Variants in TMC1 observed in about 807,000 individuals in gnomAD.
TMC1 encodes transmembrane channel like 1.
TMC1 carries 84 observed loss-of-function variants against 105.8 expected under a neutral mutation model. The ratio of observed to expected loss-of-function variants is 0.79; its 90% CI spans 0.67 to 0.95. The LOEUF (loss-of-function observed/expected upper bound fraction) is 0.95, where lower values mean the gene tolerates loss of function less well. Ranked by LOEUF, TMC1 falls within the 40% of genes least tolerant of loss-of-function variation. The pLI is 0.00. For missense variants in TMC1, 817 were observed against 914.1 expected (o/e 0.89, Z 1.37); for synonymous variants, 315 against 311.5 (o/e 1.01, Z -0.12).
At chr9:72,794,521 C>G (rs973609595) in intron 17 of TMC1, among the ~76,000 whole-genome samples, 2 of 152,168 alleles carry the variant, frequency 1.3e-5, no homozygotes, top group Admixed American at 1.3e-4. Context: ...AAATATCTCA[C>G]TAACATACCC....
intron 4 of TMC1, among the ~76,000 whole-genome samples, chr9:72,640,590 T>C (rs1230232571): frequency 1.3e-5 from 2 of 152,122 alleles, no homozygotes; most frequent in African/African-American, 2.4e-5. Context: ...TTACCCTTTA[T>C]CTCAAAATGG....
intron 13 of TMC1, among the ~76,000 whole-genome samples, chr9:72,783,717 G>T (rs1485031990): frequency 6.6e-6 from 1 of 152,072 alleles, no homozygotes; most frequent in African/African-American, 2.4e-5. Context: ...ATAAGTTAGA[G>T]AATCTAGAAA....
chr9:72,611,856 A>G (rs1345545569), intron 2 of TMC1, among the ~76,000 whole-genome samples: 2 of 151,514 alleles, frequency 1.3e-5, no homozygotes, highest in African/African-American at 4.9e-5. Flanking sequence ...GTTAAACATC[A>G]CAGCACATGT....
At position 72,688,346 on chromosome 9, in the gene TMC1, C is replaced by T. The variant is rs890840190; in HGVS notation, c.17-363C>T. ...GGGCATGTGGATATAGCTTTATTAA[C>T]AATTCAATTTCTCATGAAATAAAAT... On this transcript the variant is annotated intron_variant, in intron 5 of 23. Coordinates refer to ENST00000297784, the MANE Select transcript of TMC1 (RefSeq NM_138691.3). 7.9e-5 allele frequency among the ~76,000 whole-genome samples: 12 copies of T among 152,176 alleles called. No individual in the cohort carries two copies. In the East Asian group the frequency reaches 1.9e-3, roughly 24 times the overall value.
intron 7 of TMC1, among the ~76,000 whole-genome samples, chr9:72,694,983 A>G (rs1826524727): frequency 6.6e-6 from 1 of 152,188 alleles, no homozygotes; most frequent in Admixed American, 6.6e-5. Flanking sequence ...AGTTAATTTA[A>G]AGATTTTAAA....
rs57488888 is a variant in TMC1 at position 72,623,162 on chromosome 9, C to CT, written c.-195-4745dup. Among the ~76,000 whole-genome samples, 889 of 97,148 alleles carry CT rather than the reference C, an allele frequency of 9.2e-3. 12 individuals are homozygous for CT. Among genetic ancestry groups the CT allele is most frequent in the African/African-American group, 0.03 (746 of 25,250 alleles). The allele number at this position is 97,148 out of a possible 152,430, so 63.7% of individuals were successfully genotyped here. On this transcript the variant is annotated intron_variant, in intron 3 of 23. Transcript: ENST00000297784. ...CTCTCTCCCTGTTTTTTTTTTTTTT[C>CT]TTTTTTTTTTTTTTGTCTCATCTTT...
At chr9:72,521,969 CAT>C (rs1386640401) in intron 1 of TMC1, 56 bp downstream of exon 1, 5 of 152,110 alleles carry the variant, frequency 3.3e-5, no homozygotes, top group South Asian at 4.1e-4. Flanking sequence ...CTTTATGAAA[CAT>C]GTGTGAAGAC....
In TMC1 at chr9:72,836,495, C is replaced by A. The variant is rs548271048; in HGVS notation, c.*522C>A. ...ATTTTCTCTTTTTTTCTACCTGTCT[C>A]CCCAACCACGCGCCCCACAAATATA... is the stretch of plus-strand genomic sequence containing the variant. On this transcript the variant is annotated 3_prime_UTR_variant, in exon 24 of 24. Coordinates refer to ENST00000297784, the MANE Select transcript of TMC1 (RefSeq NM_138691.3). 1.3e-4 allele frequency: 21 copies of A among 159,486 alleles called. No individual in the cohort carries two copies. In the East Asian group the frequency reaches 3.7e-3, roughly 28 times the overall value. 9.9% of individuals were successfully genotyped at this position (159,486 alleles called of 1,614,324 possible). A position where few individuals can be genotyped will look rare whatever the true frequency, so the allele number is the denominator to read the frequency against.
chr9:72,557,867 A>G (rs1176658044), intron 1 of TMC1, among the ~76,000 whole-genome samples: 1 of 152,134 alleles, frequency 6.6e-6, no homozygotes, highest in Non-Finnish European at 1.5e-5. Context: ...ATTGATTTGT[A>G]TTGTCATTGA....
At chr9:72,549,696 C>T (rs1823828913) in intron 1 of TMC1, among the ~76,000 whole-genome samples, 2 of 151,648 alleles carry the variant, frequency 1.3e-5, no homozygotes, top group Admixed American at 1.3e-4. Context: ...CTGCAACCTC[C>T]ACCTCCTGGG....
At chr9:72,767,259 T>C (rs1357223777) in intron 12 of TMC1, among the ~76,000 whole-genome samples, 1 of 152,236 alleles carries the variant, frequency 6.6e-6, no homozygotes, top group East Asian at 1.9e-4. Context: ...AGTTTTACTT[T>C]ATACATTCTT....
intron 13 of TMC1, among the ~76,000 whole-genome samples, chr9:72,773,459 T>G (rs1401793736): frequency 6.6e-6 from 1 of 152,162 alleles, no homozygotes; most frequent in Non-Finnish European, 1.5e-5. Flanking sequence ...CTGCCTCACT[T>G]ACTTGTTCCT....
At chr9:72,760,055 T>C (rs1035496475) in intron 12 of TMC1, among the ~76,000 whole-genome samples, 1 of 152,186 alleles carries the variant, frequency 6.6e-6, no homozygotes. Context: ...AGAGCTTTCA[T>C]GTTTTTTTTT....
intron 2 of TMC1, among the ~76,000 whole-genome samples, chr9:72,587,132 T>C (rs1333555830): frequency 1.3e-5 from 2 of 151,906 alleles, no homozygotes; most frequent in African/African-American, 4.8e-5. Flanking sequence ...AGTGCTGCCA[T>C]TGAGAAATCT....
chr9:72,684,928 A>G (rs1386692822), intron 5 of TMC1, among the ~76,000 whole-genome samples: 2 of 152,108 alleles, frequency 1.3e-5, no homozygotes, highest in Admixed American at 1.3e-4. Context: ...GTTTAGTCTG[A>G]GGTAAAAACA....
At chr9:72,628,174 A>G (rs187325583) in intron 4 of TMC1, 111 bp downstream of exon 4, 31 of 419,656 alleles carry the variant, frequency 7.4e-5, no homozygotes, top group Admixed American at 5.5e-4. Context: ...ATTGTACAGA[A>G]TGAGGCCTGG....
chr9:72,530,554 C>G (rs1331850314), intron 1 of TMC1, among the ~76,000 whole-genome samples: 1 of 151,026 alleles, frequency 6.6e-6, no homozygotes, highest in African/African-American at 2.4e-5. Context: ...TGTGCCACTG[C>G]ACTCCAGCCT....
At chr9:72,664,238 T>C (rs896182377) in intron 5 of TMC1, among the ~76,000 whole-genome samples, 3 of 152,218 alleles carry the variant, frequency 2.0e-5, no homozygotes, top group Admixed American at 6.5e-5. Flanking sequence ...TGTGCTACAT[T>C]TTTGTATGCC....
intron 8 of TMC1, among the ~76,000 whole-genome samples, chr9:72,727,474 G>A (rs1344545372): frequency 1.3e-5 from 2 of 152,240 alleles, no homozygotes; most frequent in East Asian, 1.9e-4. Flanking sequence ...AAATGAATTT[G>A]TTTATCAGCC....
Sources: gnomAD v4.1 joint callset for allele counts (sites outside exome capture counted in the v4.1 genomes callset) on GRCh38, gnomAD v4.1.1 for gene constraint, MANE v1.5 for transcripts, NCBI Gene and HGNC (gene_info 2026-07-23, HGNC 2026-07-21) for gene names.